Variants in C2CD3 observed in about 807,000 individuals in gnomAD.
The protein encoded by C2CD3 is C2 domain containing 3 centriole elongation regulator.
A neutral mutation model predicts 234.0 loss-of-function variants in C2CD3; 148 were observed. That is an observed-to-expected ratio of 0.63 (90% CI 0.55 to 0.72). C2CD3 has a LOEUF of 0.72. Ranked by LOEUF, C2CD3 falls within the 30% of genes least tolerant of loss-of-function variation. The pLI, the probability that C2CD3 is intolerant of heterozygous loss-of-function variation, is 0.00. For missense variants in C2CD3, 2,577 were observed against 2,811.5 expected (o/e 0.92, Z 1.89); for synonymous variants, 1,000 against 1,035.4 (o/e 0.97, Z 0.66).
intron 14 of C2CD3, among the ~76,000 whole-genome samples, chr11:74,102,679 A>G (rs1956358711): frequency 6.6e-6 from 1 of 152,252 alleles, no homozygotes; most frequent in African/African-American, 2.4e-5. Context: ...AAGACAGTAA[A>G]GTTACAAAAA....
chr11:74,054,271 CAAAAAAAAAAAA>C (rs576353352), intron 26 of C2CD3, among the ~76,000 whole-genome samples: 3 of 94,430 alleles, frequency 3.2e-5, no homozygotes, highest in African/African-American at 1.3e-4. Context: ...GATTCTGTCT[CAAAAAAAAAAAA>C]AAAAAAAAAT....
intron 3 of C2CD3, among the ~76,000 whole-genome samples, chr11:74,145,584 T>C (rs547423730): frequency 6.6e-6 from 1 of 152,310 alleles, no homozygotes; most frequent in East Asian, 1.9e-4. Flanking sequence ...TTTTTGCTTT[T>C]GTTGCAATTG....
intron 24 of C2CD3, among the ~76,000 whole-genome samples, chr11:74,057,836 A>G (rs1325649682): frequency 6.6e-6 from 1 of 152,084 alleles, no homozygotes; most frequent in Non-Finnish European, 1.5e-5. Flanking sequence ...ATGGTGGCAC[A>G]TGCCTGTAGT....
At chr11:74,142,483 C>A (rs1030716329) in intron 3 of C2CD3, 2 of 151,884 alleles carry the variant, frequency 1.3e-5, no homozygotes, top group African/African-American at 2.4e-5. Flanking sequence ...GATAAATAAA[C>A]AATTAACAAA....
At chr11:74,105,865 T>A (rs1956497994) in intron 13 of C2CD3, among the ~76,000 whole-genome samples, 1 of 152,220 alleles carries the variant, frequency 6.6e-6, no homozygotes, top group Non-Finnish European at 1.5e-5. Flanking sequence ...AATCAGATGA[T>A]GTCAGTCCCA....
chr11:74,109,989 G>A (rs1956685770), intron 11 of C2CD3, among the ~76,000 whole-genome samples: 1 of 147,010 alleles, frequency 6.8e-6, no homozygotes, highest in South Asian at 2.1e-4. Flanking sequence ...GCTAAGGCAG[G>A]AGAGTGGCGT....
At chr11:74,102,053 G>T (rs1387450407) in intron 14 of C2CD3, among the ~76,000 whole-genome samples, 1 of 152,184 alleles carries the variant, frequency 6.6e-6, no homozygotes, top group Non-Finnish European at 1.5e-5. Flanking sequence ...GAAGGAGGGT[G>T]AAGGTTTGAA....
At chr11:74,082,925 G>T (rs1955457274) in intron 22 of C2CD3, among the ~76,000 whole-genome samples, 1 of 152,162 alleles carries the variant, frequency 6.6e-6, no homozygotes, top group Admixed American at 6.5e-5. Flanking sequence ...TTTCTTCACA[G>T]AATTGGAAAA....
chr11:74,134,807 C>A (rs1957804327), intron 5 of C2CD3, among the ~76,000 whole-genome samples: 1 of 152,248 alleles, frequency 6.6e-6, no homozygotes, highest in East Asian at 1.9e-4. Flanking sequence ...TTCGCTACAG[C>A]CTCGAACTTC....
chr11:74,142,031 A>G (rs948491752), intron 3 of C2CD3: 1 of 152,734 alleles, frequency 6.5e-6, no homozygotes, highest in Non-Finnish European at 1.5e-5. Context: ...TCCCCCACAA[A>G]AACACCCTCT....
At chr11:74,068,008 G>A (rs376887794) in intron 24 of C2CD3, among the ~76,000 whole-genome samples, 2 of 152,202 alleles carry the variant, frequency 1.3e-5, no homozygotes, top group East Asian at 1.9e-4. Flanking sequence ...GAGAGGCCCT[G>A]TGGCAATGGC....
At chr11:74,048,114 C>A (rs1953476199) in intron 28 of C2CD3, 91 bp downstream of exon 28, 1 of 1,363,714 alleles carries the variant, frequency 7.3e-7, no homozygotes, top group Admixed American at 2.3e-5. Context: ...CTTGTTTTTT[C>A]CTCTAATAAA....
chr11:74,106,240 C>T, intron 13 of C2CD3, 131 bp downstream of exon 13: 1 of 799,636 alleles, frequency 1.3e-6, no homozygotes, highest in African/African-American at 1.8e-5. Flanking sequence ...AGTACTTCCA[C>T]TGCTCTATTT....
intron 16 of C2CD3, among the ~76,000 whole-genome samples, chr11:74,096,849 T>A (rs1313583176): frequency 6.6e-6 from 1 of 152,120 alleles, no homozygotes; most frequent in Non-Finnish European, 1.5e-5. Flanking sequence ...AACAATAATA[T>A]CTAAGAAATA....
intron 24 of C2CD3, among the ~76,000 whole-genome samples, chr11:74,063,492 G>A (rs944543905): frequency 3.3e-5 from 5 of 152,128 alleles, no homozygotes; most frequent in Non-Finnish European, 7.3e-5. Context: ...ATCAATAAAC[G>A]TAATCCATCA....
chr11:74,168,597 A>G lies in C2CD3; in HGVS notation c.72T>C (p.Ser24=). The G allele has an allele frequency of 6.2e-7, 1 of 1,614,052 alleles. No individual in the cohort carries two copies. The highest frequency in any genetic ancestry group is 8.5e-7 in the Non-Finnish European group (1 of 1,179,910). The stretch of plus-strand genomic sequence containing the variant: ...CCAGAGGTGGCAGGCTTGTAGATGG[A>G]GAAATGTCACTTAAACCTGTAGAGG... ...GRKKRGLSDI[S]PSTSLPPLVE... Residue 24 remains serine, a synonymous_variant, in exon 2 of 33, where the codon TCT becomes TCC. Transcript: ENST00000334126.
chr11:74,054,507 GAAAAA>G lies in C2CD3; in HGVS notation c.5155+95_5155+99del, dbSNP rs869085401. ...TGTCGGGAATGCTTCACTTGGTTTG[GAAAAA>G]AAAAAAAAAAAAAAAAAAAAGGAAT... On this transcript the variant is annotated intron_variant, in intron 26 of 32. Transcript: ENST00000334126. 3.4e-3 allele frequency: 938 copies of G among 274,654 alleles called. 2 individuals carry two copies. The highest frequency in any genetic ancestry group is 3.2e-3 in the East Asian group (54 of 16,898). The allele number at this position is 274,654 out of a possible 1,614,324, so 17.0% of individuals were successfully genotyped here.
At chr11:74,054,585 A>G in intron 26 of C2CD3, 22 bp downstream of exon 26, 1 of 1,427,502 alleles carries the variant, frequency 7.0e-7, no homozygotes, top group African/African-American at 1.4e-5. Flanking sequence ...GCAAGCAGAT[A>G]TTCTTTTAAC....
Position 74,098,036 on chromosome 11 carries a change from G to C in C2CD3, c.2952C>G (p.Asp984Glu), listed in dbSNP as rs1369474850. Residue 984 changes from aspartate (D) to glutamate (E), a missense_variant, in exon 16 of 33, where the codon GAC (aspartate) becomes GAG (glutamate). Asp to Glu is a conservative substitution (Grantham distance 45). Coordinates refer to ENST00000334126, the MANE Select transcript of C2CD3 (RefSeq NM_001286577.2). Reference protein sequence around the residue: ...PFSPRPAHFLDQPTAASVAMA... With the variant: ...PFSPRPAHFLEQPTAASVAMA... ...TAGCAACAGATGCTGCAGTTGGCTG[G>C]TCCAGGAAATGGGCTGGCCTAGGGC... is the stretch of plus-strand genomic sequence containing the variant. 2.5e-6 allele frequency: 4 copies of C among 1,614,090 alleles called. No homozygotes were observed. The South Asian group carries it at 3.3e-5, about 13-fold the overall frequency.
Sources: gnomAD v4.1 joint callset for allele counts (sites outside exome capture counted in the v4.1 genomes callset) on GRCh38, gnomAD v4.1.1 for gene constraint, MANE v1.5 for transcripts, NCBI Gene and HGNC (gene_info 2026-07-23, HGNC 2026-07-21) for gene names.